Variants in MEMO1 observed in about 807,000 individuals in gnomAD.
The protein encoded by MEMO1 is protein MEMO1.
In MEMO1, 6 loss-of-function variants were observed where a neutral mutation model predicts 45.2. The ratio of observed to expected loss-of-function variants is 0.13; its 90% CI spans 0.07 to 0.26. MEMO1 has a LOEUF of 0.26. Among genes scored for constraint, MEMO1 ranks in the 10% least tolerant of loss-of-function variants. The pLI is 1.00. For synonymous variants in MEMO1, 78 were observed against 124.3 expected, an observed-to-expected ratio of 0.63 and a Z score of 2.48; for missense variants, 184 against 370.5, an observed-to-expected ratio of 0.50 and a Z score of 4.13.
At chr2:31,907,368 T>C (rs1679908251) in intron 6 of MEMO1, among the ~76,000 whole-genome samples, 1 of 152,262 alleles carries the variant, frequency 6.6e-6, no homozygotes, top group South Asian at 2.1e-4. Flanking sequence ...TTTTGTATTC[T>C]CCATCCTTAA....
intron 4 of MEMO1, among the ~76,000 whole-genome samples, chr2:31,929,927 T>G (rs1683695129): frequency 6.6e-6 from 1 of 152,236 alleles, no homozygotes; most frequent in Non-Finnish European, 1.5e-5. Flanking sequence ...TTAAAATTTA[T>G]TCATTCAGAA....
chr2:31,959,526 T>C (rs558860770), intron 2 of MEMO1, among the ~76,000 whole-genome samples: 2 of 151,610 alleles, frequency 1.3e-5, no homozygotes, highest in East Asian at 3.9e-4. Context: ...AATCAATTGA[T>C]TTTGGTGATT....
chr2:31,976,098 T>C (rs182038735), intron 2 of MEMO1, among the ~76,000 whole-genome samples: 2 of 152,250 alleles, frequency 1.3e-5, no homozygotes, highest in East Asian at 3.9e-4. Context: ...CCCCTGAGAT[T>C]AGTACTCCAC....
intron 2 of MEMO1, among the ~76,000 whole-genome samples, chr2:31,950,689 C>A (rs1482829317): frequency 6.6e-6 from 1 of 150,384 alleles, no homozygotes; most frequent in Non-Finnish European, 1.5e-5. Flanking sequence ...ACACTGTACT[C>A]CAGCCTGGGT....
chr2:31,986,256 G>A (rs556989947), intron 2 of MEMO1, among the ~76,000 whole-genome samples: 3 of 151,948 alleles, frequency 2.0e-5, no homozygotes, highest in Admixed American at 6.6e-5. Flanking sequence ...AAAATTAGCC[G>A]GGCGTGGTGG....
chr2:31,902,372 T>A (rs1678989201), intron 6 of MEMO1, among the ~76,000 whole-genome samples: 1 of 151,830 alleles, frequency 6.6e-6, no homozygotes, highest in African/African-American at 2.4e-5. Context: ...CACTCCAGCG[T>A]AGGCAACAGA....
chr2:31,931,172 A>G (rs1664121477), intron 4 of MEMO1, among the ~76,000 whole-genome samples: 1 of 152,188 alleles, frequency 6.6e-6, no homozygotes, highest in African/African-American at 2.4e-5. Context: ...ATTATAATAC[A>G]ATGTACAGAG....
Position 31,974,987 on chromosome 2 carries a change from A to G in MEMO1, c.62-31604T>C, listed in dbSNP as rs1669837923. On this transcript the variant is annotated intron_variant, in intron 2 of 9. Coordinates refer to ENST00000404530, the MANE Select transcript of MEMO1 (RefSeq NM_001301833.4). ...GGAGTTTGAGACCAGCTTGGCCAAC[A>G]TGATGAAACCCCATCTCTACTAAAA... Among the ~76,000 whole-genome samples the G allele has an allele frequency of 3.3e-5, 5 of 152,060 alleles. No homozygotes were observed. The South Asian group carries it at 1.0e-3, about 32-fold the overall frequency.
intron 6 of MEMO1, chr2:31,893,461 G>A (rs1442666341): frequency 2.8e-6 from 2 of 703,236 alleles, no homozygotes; most frequent in Non-Finnish European, 3.6e-6. Context: ...TCAATTGAAA[G>A]AAAAGAATTA....
At chr2:31,893,578 G>T (rs534366944) in intron 6 of MEMO1, among the ~76,000 whole-genome samples, 19 of 152,162 alleles carry the variant, frequency 1.2e-4, no homozygotes, top group Non-Finnish European at 1.9e-4. Context: ...AGAGTATAAA[G>T]AACAAGGAGA....
chr2:31,931,175 G>A (rs1477827177), intron 4 of MEMO1, among the ~76,000 whole-genome samples: 1 of 152,104 alleles, frequency 6.6e-6, no homozygotes, highest in Non-Finnish European at 1.5e-5. Flanking sequence ...ATAATACAAT[G>A]TACAGAGAAC....
At chr2:32,006,103 T>C (rs1381553625) in intron 2 of MEMO1, among the ~76,000 whole-genome samples, 1 of 151,878 alleles carries the variant, frequency 6.6e-6, no homozygotes, top group Non-Finnish European at 1.5e-5. Context: ...CAAAACTGGG[T>C]TGGGGTAGGG....
At chr2:31,868,522 C>T (rs910851438) in intron 9 of MEMO1, 30 bp from the exon 10 acceptor site, 25 of 1,560,646 alleles carry the variant, frequency 1.6e-5, no homozygotes, top group Non-Finnish European at 2.2e-5. Context: ...GGTTAGGACA[C>T]ACATCACATA....
chr2:31,977,404 C>G lies in MEMO1; in HGVS notation c.61+32783G>C, dbSNP rs372158204. Reference sequence around the variant, plus strand: ...TTTAAGCAACATGCATGGCTAAAATCTTTAACCTTAAGTCACAATGATGAC... The same window carrying G: ...TTTAAGCAACATGCATGGCTAAAATGTTTAACCTTAAGTCACAATGATGAC... On this transcript the variant is annotated intron_variant, in intron 2 of 9. Transcript: ENST00000404530. Among the ~76,000 whole-genome samples the G allele has an allele frequency of 1.5e-3, 226 of 152,262 alleles. 7 individuals carry two copies. The South Asian group carries it at 0.045, about 30-fold the overall frequency.
chr2:31,997,871 A>C (rs1672789686), intron 2 of MEMO1, among the ~76,000 whole-genome samples: 1 of 152,234 alleles, frequency 6.6e-6, no homozygotes. Flanking sequence ...ACAGAATGGA[A>C]ACTGGGCAAC....
At chr2:31,924,247 T>C (rs560568845) in intron 4 of MEMO1, among the ~76,000 whole-genome samples, 70 of 152,010 alleles carry the variant, frequency 4.6e-4, no homozygotes, top group Non-Finnish European at 9.4e-4. Context: ...AAATGAATAG[T>C]GTACATTAAA....
chr2:31,932,237 C>G, intron 3 of MEMO1, 102 bp from the exon 4 acceptor site: 1 of 890,400 alleles, frequency 1.1e-6, no homozygotes, highest in Non-Finnish European at 1.8e-6. Context: ...GTAAACACAA[C>G]AGAATTGAGA....
intron 7 of MEMO1, among the ~76,000 whole-genome samples, chr2:31,888,574 C>T (rs1482219116): frequency 6.6e-6 from 1 of 151,990 alleles, no homozygotes; most frequent in Admixed American, 6.6e-5. Context: ...GGATATAGAA[C>T]TTAATAAGCA....
Position 31,920,823 on chromosome 2 carries a change from C to A in MEMO1, c.300G>T (p.Leu100=), listed in dbSNP as rs568803783. Residue 100 remains leucine (L), a synonymous_variant, in exon 5 of 10, where the codon CTG becomes CTT. Coordinates refer to ENST00000404530, the MANE Select transcript of MEMO1 (RefSeq NM_001301833.4). ...TCTTTTGGTCAATACGAAGGTCATA[C>A]AGAGGTGTCCTATATATATCCACAC... ...LSSVDIYRTP[L]YDLRIDQKIY... The A allele has an allele frequency of 5.3e-5, 85 of 1,606,056 alleles. 2 individuals carry two copies. In the South Asian group the frequency reaches 8.4e-4, roughly 16 times the overall value.
Sources: gnomAD v4.1 joint callset for allele counts (sites outside exome capture counted in the v4.1 genomes callset) on GRCh38, gnomAD v4.1.1 for gene constraint, MANE v1.5 for transcripts, NCBI Gene and HGNC (gene_info 2026-07-23, HGNC 2026-07-21) for gene names.